PTPN13: variants seen among roughly 807,000 people sequenced by gnomAD.
The protein encoded by PTPN13 is protein tyrosine phosphatase non-receptor type 13.
A neutral mutation model predicts 284.0 loss-of-function variants in PTPN13; 191 were observed. The observed-to-expected ratio is 0.67, with a 90% CI of 0.60 to 0.76. The LOEUF (loss-of-function observed/expected upper bound fraction) is 0.76. PTPN13 is among the 30% of genes least tolerant of loss of function. PTPN13 has a pLI of 0.00. For missense variants in PTPN13, 2,797 were observed against 2,939.9 expected, an observed-to-expected ratio of 0.95 and a Z score of 1.12; for synonymous variants, 986 against 1,022.3, an observed-to-expected ratio of 0.96 and a Z score of 0.68.
intron 3 of PTPN13, among the ~76,000 whole-genome samples, chr4:86,678,884 T>C (rs903036526): frequency 5.3e-5 from 8 of 152,346 alleles, no homozygotes; most frequent in Middle Eastern, 6.8e-3. Context: ...CAAACACTTC[T>C]AATAATCTCC....
chr4:86,727,922 T>G (rs1402268075), intron 10 of PTPN13, among the ~76,000 whole-genome samples: 1 of 149,486 alleles, frequency 6.7e-6, no homozygotes, highest in Non-Finnish European at 1.5e-5. Context: ...GTTGATTTTA[T>G]ATCTTTCCTG....
chr4:86,745,600 C>T (rs1477861060), intron 17 of PTPN13, among the ~76,000 whole-genome samples: 1 of 152,066 alleles, frequency 6.6e-6, no homozygotes, highest in African/African-American at 2.4e-5. Flanking sequence ...CATGGTGAAA[C>T]CCTGTCTCTA....
intron 10 of PTPN13, among the ~76,000 whole-genome samples, chr4:86,728,182 GT>G (rs1206447756): frequency 2.0e-5 from 3 of 149,596 alleles, no homozygotes; most frequent in Non-Finnish European, 4.5e-5. Flanking sequence ...CTGAGAGACC[GT>G]TTGTTGTGAT....
intron 45 of PTPN13, 144 bp from the exon 46 acceptor site, chr4:86,809,625 A>C: frequency 1.5e-6 from 1 of 676,790 alleles, no homozygotes; most frequent in Non-Finnish European, 2.5e-6. Context: ...TGGGAGGCGG[A>C]GGCTGCAGTG....
chr4:86,806,702 G>A (rs892692611), intron 44 of PTPN13, among the ~76,000 whole-genome samples: 7 of 152,132 alleles, frequency 4.6e-5, no homozygotes, highest in African/African-American at 1.4e-4. Context: ...CAAGTGAGAA[G>A]GGCAATTGGT....
chr4:86,635,324 C>A lies in PTPN13; in HGVS notation c.68C>A (p.Ala23Asp). The change falls in exon 2 of 48, where the codon GCT becomes GAT. Residue 23 changes from alanine (A) to aspartate (D), a missense_variant. By Grantham distance (126) the Ala-to-Asp change is moderately radical. Transcript: ENST00000411767. ...GGPLQEEEIW[A>D]VLNQSAESLQ... ...CCACTTCAGGAGGAAGAAATATGGGCTGTATTAAATCAAAGTGCTGAAAGT... is the reference window on the plus strand; with the variant it reads ...CCACTTCAGGAGGAAGAAATATGGGATGTATTAAATCAAAGTGCTGAAAGT... The A allele has an allele frequency of 6.2e-7, 1 of 1,607,194 alleles. No individual in the cohort carries two copies. Among genetic ancestry groups the A allele is most frequent in the Non-Finnish European group, 8.5e-7 (1 of 1,177,042 alleles).
chr4:86,658,813 T>A (rs183258249), intron 2 of PTPN13, among the ~76,000 whole-genome samples: 57 of 151,966 alleles, frequency 3.8e-4, no homozygotes, highest in Admixed American at 7.9e-4. Flanking sequence ...GTCAAAATTT[T>A]AAAAAAAATT....
intron 1 of PTPN13, among the ~76,000 whole-genome samples, chr4:86,608,255 G>T (rs1476342125): frequency 6.6e-6 from 1 of 151,996 alleles, no homozygotes; most frequent in Non-Finnish European, 1.5e-5. Context: ...AGAGAGATTC[G>T]ACTGTGAAGA....
At chr4:86,608,986 T>C (rs1386443037) in intron 1 of PTPN13, among the ~76,000 whole-genome samples, 1 of 152,160 alleles carries the variant, frequency 6.6e-6, no homozygotes, top group East Asian at 1.9e-4. Flanking sequence ...TTGTATGTGG[T>C]GATGTAAAAA....
Position 86,701,510 on chromosome 4 carries a change from T to C in PTPN13, c.904T>C (p.Ser302Pro), listed in dbSNP as rs1056537842. The C allele has an allele frequency of 1.9e-5, 30 of 1,613,874 alleles. No individual in the cohort carries two copies. In the Admixed American group the frequency reaches 4.2e-4, roughly 22 times the overall value. ...VLSKKKIWAS[S>P]MDLLCTADRD... ...TTCTAAGAAGAAGATCTGGGCTTCA[T>C]CCATGGACTTGCTTTGTACAGCTGA... The change falls in exon 7 of 48, where the codon TCC (serine) becomes CCC (proline). Residue 302 changes from serine (S) to proline (P), a missense_variant. By Grantham distance (74) the Ser-to-Pro change is moderately conservative (BLOSUM62 -1). Coordinates refer to ENST00000411767, the MANE Select transcript of PTPN13 (RefSeq NM_080683.3).
chr4:86,807,192 CATT>C (rs1228102936), intron 44 of PTPN13, among the ~76,000 whole-genome samples: 2 of 152,058 alleles, frequency 1.3e-5, no homozygotes, highest in Non-Finnish European at 2.9e-5. Flanking sequence ...TCATCATCAT[CATT>C]AAAATAATGA....
intron 23 of PTPN13, among the ~76,000 whole-genome samples, chr4:86,759,646 AG>A (rs1329158461): frequency 1.3e-5 from 2 of 152,212 alleles, no homozygotes; most frequent in Non-Finnish European, 2.9e-5. Flanking sequence ...AGTGGGAAAC[AG>A]GGAGGGTTGC....
rs1733747858 is a variant in PTPN13 at position 86,722,223 on chromosome 4, A to C, written c.1397A>C (p.Glu466Ala). 6.2e-7 allele frequency: 1 copy of C among 1,612,368 alleles called. No individual in the cohort carries two copies. The highest frequency in any genetic ancestry group is 8.5e-7 in the Non-Finnish European group (1 of 1,178,596). ...TCTTTTCTATATAGCAGACAATATG[A>C]AACACCCTTTGAAGGCAACTTAATT... The part of the protein sequence containing the change: ...GQSQRPSRQY[E>A]TPFEGNLINQ... The change falls in exon 10 of 48, where the codon GAA becomes GCA. Residue 466 changes from glutamate (E) to alanine (A), a missense_variant. By Grantham distance (107) the Glu-to-Ala change is moderately radical (BLOSUM62 -1). Transcript: ENST00000411767.
At chr4:86,680,337 T>TTCTA (rs879882480) in intron 3 of PTPN13, among the ~76,000 whole-genome samples, 6 of 148,294 alleles carry the variant, frequency 4.0e-5, no homozygotes, top group African/African-American at 7.5e-5. Flanking sequence ...ACATTTTCCT[T>TTCTA]TCTATCTATC....
intron 39 of PTPN13, 40 bp downstream of exon 39, chr4:86,785,408 AC>A: frequency 6.4e-7 from 1 of 1,553,022 alleles, no homozygotes; most frequent in South Asian, 1.3e-5. Context: ...ACTATGGAGT[AC>A]AAAAACGTCT....
rs1043111239 is a variant in PTPN13 at position 86,785,352 on chromosome 4, A to G, written c.6240A>G (p.Gly2080=). 7 of 1,611,806 alleles carry G rather than the reference A, an allele frequency of 4.3e-6. No individual in the cohort carries two copies. The highest frequency in any genetic ancestry group is 5.9e-6 in the Non-Finnish European group (7 of 1,178,688). ...QNLLNENNAA[G]YSCGPGTLKM... is the part of the protein sequence containing the mutation. ...TTTTAAACGAAAATAATGCAGCAGG[A>G]TACTCCTGTGGTCCAGGTACGTGAA... Residue 2080 remains glycine, a synonymous_variant, in exon 39 of 48, where the codon GGA becomes GGG. Coordinates refer to ENST00000411767, the MANE Select transcript of PTPN13 (RefSeq NM_080683.3).
chr4:86,640,241 A>T (rs1723624498), intron 2 of PTPN13, among the ~76,000 whole-genome samples: 1 of 152,204 alleles, frequency 6.6e-6, no homozygotes, highest in Non-Finnish European at 1.5e-5. Context: ...ATCTAATATC[A>T]CTTAACCAAA....
At chr4:86,637,076 C>G (rs1421682934) in intron 2 of PTPN13, among the ~76,000 whole-genome samples, 1 of 152,068 alleles carries the variant, frequency 6.6e-6, no homozygotes, top group Non-Finnish European at 1.5e-5. Flanking sequence ...CTAGAAAATC[C>G]AGAAGAAATG....
At chr4:86,672,803 C>A (rs1727856170) in intron 3 of PTPN13, among the ~76,000 whole-genome samples, 1 of 152,166 alleles carries the variant, frequency 6.6e-6, no homozygotes, top group Non-Finnish European at 1.5e-5. Context: ...GTATAAAACA[C>A]CGTGCCTGAG....
Sources: gnomAD v4.1 joint callset for allele counts (sites outside exome capture counted in the v4.1 genomes callset) on GRCh38, gnomAD v4.1.1 for gene constraint, MANE v1.5 for transcripts, NCBI Gene and HGNC (gene_info 2026-07-23, HGNC 2026-07-21) for gene names.